The following PTCH1 variants were observed in gnomAD, a reference collection of about 807,000 sequenced individuals.
PTCH1 encodes the protein protein patched homolog 1.
PTCH1 carries 14 observed loss-of-function variants against 144.6 expected under a neutral mutation model. The observed-to-expected ratio is 0.10, with a 90% CI of 0.06 to 0.15. PTCH1 has a LOEUF of 0.15. PTCH1 is among the 10% of genes least tolerant of loss of function. The pLI, the probability that PTCH1 is intolerant of heterozygous loss-of-function variation, is 1.00. For synonymous variants in PTCH1, 833 were observed against 793.6 expected, an observed-to-expected ratio of 1.05 and a Z score of -0.83; for missense variants, 1,623 against 1,948.3, an observed-to-expected ratio of 0.83 and a Z score of 3.14.
intron 15 of PTCH1, among the ~76,000 whole-genome samples, chr9:95,465,216 A>G (rs960231743): frequency 2.0e-5 from 3 of 152,096 alleles, no homozygotes; most frequent in African/African-American, 7.2e-5. Context: ...CCCCTTCCCA[A>G]TCCCTGCCTA....
At chr9:95,504,780 T>C (rs1843435775) in intron 2 of PTCH1, among the ~76,000 whole-genome samples, 1 of 151,754 alleles carries the variant, frequency 6.6e-6, no homozygotes, top group Non-Finnish European at 1.5e-5. Flanking sequence ...CTCTTGTAAC[T>C]TTCACAGCCC....
At chr9:95,465,837 G>A (rs1220846214) in intron 15 of PTCH1, among the ~76,000 whole-genome samples, 1 of 152,194 alleles carries the variant, frequency 6.6e-6, no homozygotes, top group Non-Finnish European at 1.5e-5. Flanking sequence ...CAGTAAAAGT[G>A]TTTTGCTTGA....
Position 95,508,678 on chromosome 9 carries a change from C to G in PTCH1, c.-317G>C. The G allele has an allele frequency of 2.0e-6, 2 of 987,532 alleles. No individual in the cohort carries two copies. The highest frequency in any genetic ancestry group is 2.4e-6 in the Non-Finnish European group (2 of 831,470). 61.2% of individuals were successfully genotyped at this position (987,532 alleles called of 1,614,324 possible). Reference sequence around the variant, plus strand: ...ATCCAGTTCGCGGAAGAGCGAGAGCCGGCGCGCCGAGCGAGCCTGTCCTTC... The same window carrying G: ...ATCCAGTTCGCGGAAGAGCGAGAGCGGGCGCGCCGAGCGAGCCTGTCCTTC... On this transcript the variant is annotated 5_prime_UTR_variant, in exon 1 of 24. Transcript: ENST00000331920.
intron 16 of PTCH1, among the ~76,000 whole-genome samples, chr9:95,461,515 C>T (rs905641551): frequency 5.3e-5 from 8 of 152,144 alleles, no homozygotes; most frequent in African/African-American, 1.9e-4. Context: ...AACAAGGTAC[C>T]GAGTCCTAGA....
rs768917326 is a variant in PTCH1, at chr9:95,449,822, T to A, written c.3549+19A>T. 2 of 1,593,552 alleles carry A rather than the reference T, an allele frequency of 1.3e-6. No homozygotes were observed. Among genetic ancestry groups the A allele is most frequent in the East Asian group, 2.2e-5 (1 of 44,758 alleles). On this transcript the variant is annotated intron_variant, in intron 21 of 23. Coordinates refer to ENST00000331920, the MANE Select transcript of PTCH1 (RefSeq NM_000264.5). The surrounding 1 kb of genome is among the most constrained non-coding windows in gnomAD (Gnocchi z 5.3). ...ATTCAGCCGGCCTACACGTGGGACA[T>A]CCCCGTGTCACTACTGACCTCAGGA... is the stretch of plus-strand genomic sequence containing the variant.
At chr9:95,507,982 G>A in intron 1 of PTCH1, 179 bp downstream of exon 1, 7 of 1,501,318 alleles carry the variant, frequency 4.7e-6, no homozygotes, top group Admixed American at 2.0e-5. Flanking sequence ...AGGACCAGAG[G>A]GAGGGTTTGA....
In PTCH1 at chr9:95,477,753, G is replaced by A. The variant is rs751462001; in HGVS notation, c.1348-51C>T. ...GAACAAAAGCCGAACATTAGAATGT[G>A]TTGTGATTCTAATGTTTCCCTCCAC... On this transcript the variant is annotated intron_variant, in intron 9 of 23. Coordinates refer to ENST00000331920, the MANE Select transcript of PTCH1 (RefSeq NM_000264.5). 7 of 1,603,110 alleles carry A rather than the reference G, an allele frequency of 4.4e-6. No individual in the cohort carries two copies. The East Asian group carries it at 6.8e-5, about 15-fold the overall frequency.
intron 1 of PTCH1, chr9:95,516,386 CGTCCCCGT>C: frequency 9.0e-7 from 1 of 1,108,386 alleles, no homozygotes; most frequent in Non-Finnish European, 1.1e-6. Context: ...GGGCGTCCCG[CGTCCCCGT>C]GTCCCCGCGC....
chr9:95,491,889 C>A (rs1564070472), intron 2 of PTCH1, among the ~76,000 whole-genome samples: 1 of 152,268 alleles, frequency 6.6e-6, no homozygotes, highest in East Asian at 1.9e-4. Flanking sequence ...TACAACTGCA[C>A]AAAAAGTTAA....
At chr9:95,512,363 C>G (rs1844197471), upstream of PTCH1, among the ~76,000 whole-genome samples, 1 of 151,724 alleles carries the variant, frequency 6.6e-6, no homozygotes, top group Non-Finnish European at 1.5e-5. Flanking sequence ...CTAACGAGCG[C>G]TATCTTAATC....
intron 3 of PTCH1, chr9:95,483,846 A>ATAT (rs781696549): frequency 3.3e-5 from 5 of 152,194 alleles, no homozygotes; most frequent in Non-Finnish European, 5.9e-5. Context: ...TTCTCACTTT[A>ATAT]TATTACTTGA....
chr9:95,492,692 G>A (rs1842500599), intron 2 of PTCH1, among the ~76,000 whole-genome samples: 2 of 151,550 alleles, frequency 1.3e-5, no homozygotes, highest in South Asian at 4.2e-4. Flanking sequence ...TTTTGTATAA[G>A]GGATACTCAA....
At chr9:95,450,558 T>C (rs1166637410) in intron 20 of PTCH1, 2 of 155,344 alleles carry the variant, frequency 1.3e-5, no homozygotes, top group Admixed American at 6.3e-5. Context: ...TTTTACCAAA[T>C]AGCTCCAATT....
In PTCH1 at chr9:95,478,057, T is replaced by C. The variant is rs1423684260; in HGVS notation, c.1345A>G (p.Met449Val). Reference sequence around the variant, plus strand: ...AGGAGCATGGCATCGAGCGTTACCATGAGTAAGTAGCCGCTGGCCACGCGG... The same window carrying C: ...AGGAGCATGGCATCGAGCGTTACCACGAGTAAGTAGCCGCTGGCCACGCGG... ...VIRVASGYLL[M>V]LAYACLTMLR... Residue 449 changes from methionine (M) to valine (V), a missense_variant and splice_region_variant, in exon 9 of 24, where the codon ATG becomes GTG. Physicochemically the swap from Met to Val is conservative, Grantham distance 21. Transcript: ENST00000331920. The C allele has an allele frequency of 6.2e-7, 1 of 1,613,934 alleles. No homozygotes were observed. Among genetic ancestry groups the C allele is most frequent in the African/African-American group, 1.3e-5 (1 of 74,868 alleles).
At chr9:95,453,083 A>G (rs1025228543) in intron 20 of PTCH1, 4 of 332,174 alleles carry the variant, frequency 1.2e-5, no homozygotes, top group Non-Finnish European at 1.8e-5. Flanking sequence ...GAGGTGCTGC[A>G]ATCTACCAGA....
Position 95,449,498 on chromosome 9 carries a change from C to A in PTCH1, c.3550-175G>T. ...CCTGGAGGACCTTCAGGTCCCGCAG[C>A]TGGAGCAGAAGAACTGTCCTCTGCT... is the stretch of plus-strand genomic sequence containing the variant. On this transcript the variant is annotated intron_variant, in intron 21 of 23. Transcript: ENST00000331920. The surrounding 1 kb of genome is among the most constrained non-coding windows in gnomAD (Gnocchi z 5.3). 1.1e-6 allele frequency: 1 copy of A among 882,394 alleles called. No homozygotes were observed. Among genetic ancestry groups the A allele is most frequent in the Admixed American group, 2.2e-5 (1 of 45,980 alleles). 54.7% of individuals were successfully genotyped at this position (882,394 alleles called of 1,614,324 possible). A position where few individuals can be genotyped will look rare whatever the true frequency, so the allele number is the denominator to read the frequency against.
At chr9:95,503,987 C>T in intron 2 of PTCH1, among the ~76,000 whole-genome samples, 1 of 49,166 alleles carries the variant, frequency 2.0e-5, no homozygotes. Context: ...CTGCAGTCCG[C>T]AGTCTGGCCT....
Position 95,449,569 on chromosome 9 carries a change from C to T in PTCH1, c.3550-246G>A. On this transcript the variant is annotated intron_variant, in intron 21 of 23. Transcript: ENST00000331920. This position sits in a 1 kb window ranked among gnomAD's most constrained non-coding sequence, Gnocchi z 5.3. ...GTGTACTTTTTACTCTTGTGAAGTC[C>T]AATTATGCATCTCAAGGGGAAAGTC... The T allele has an allele frequency of 1.6e-6, 1 of 635,434 alleles. No homozygotes were observed. The allele number at this position is 635,434 out of a possible 1,614,324, so 39.4% of individuals were successfully genotyped here. A position where few individuals can be genotyped will look rare whatever the true frequency, so the allele number is the denominator to read the frequency against.
rs1060502276 is a variant in PTCH1 at position 95,447,070 on chromosome 9, C to T, written c.4186G>A (p.Gly1396Arg). ...VPGPGRNPRG[G>R]LCPGYPETDH... ...GTCTCAGGGTAGCCTGGGCAGAGTCCCCCTCGGGGGTTCCGCCCAGGCCCA... is the reference window on the plus strand; with the variant it reads ...GTCTCAGGGTAGCCTGGGCAGAGTCTCCCTCGGGGGTTCCGCCCAGGCCCA... The change falls in exon 23 of 24, where the codon GGA becomes AGA. Residue 1396 changes from glycine (G) to arginine (R), a missense_variant. Gly to Arg is a moderately radical substitution (Grantham distance 125). Around this residue, in one of 7 missense-constraint regions of PTCH1, gnomAD observed 291 missense variants for 287.4 expected, o/e 1.01. Transcript: ENST00000331920. 6.8e-6 allele frequency: 11 copies of T among 1,613,966 alleles called. No individual in the cohort carries two copies. Among genetic ancestry groups the T allele is most frequent in the Admixed American group, 6.7e-5 (4 of 60,014 alleles).
Sources: allele counts gnomAD v4.1 joint callset (sites outside exome capture counted in the v4.1 genomes callset), GRCh38; gene constraint gnomAD v4.1.1; regional missense constraint gnomAD v4.1.1; non-coding constraint Gnocchi (gnomAD v3.1); transcripts MANE v1.5; gene names NCBI Gene and HGNC (gene_info 2026-07-23, HGNC 2026-07-21).